Variants in ARHGAP20 observed in about 807,000 individuals in gnomAD.
ARHGAP20 encodes rho GTPase-activating protein 20.
ARHGAP20 carries 34 observed loss-of-function variants against 73.7 expected under a neutral mutation model. That is an observed-to-expected ratio of 0.46 (90% CI 0.35 to 0.61). The LOEUF (loss-of-function observed/expected upper bound fraction) is 0.61. Ranked by LOEUF, ARHGAP20 falls within the 20% of genes least tolerant of loss-of-function variation. The pLI is 0.00. For missense variants in ARHGAP20, 1,314 were observed against 1,420.9 expected, an observed-to-expected ratio of 0.92 and a Z score of 1.21; for synonymous variants, 523 against 518.2, an observed-to-expected ratio of 1.01 and a Z score of -0.13.
chr11:110,629,043 C>T (rs1182979537), intron 3 of ARHGAP20, among the ~76,000 whole-genome samples: 1 of 151,844 alleles, frequency 6.6e-6, no homozygotes, highest in Non-Finnish European at 1.5e-5. Context: ...GAAAAATATC[C>T]AAAAAAGGTG....
chr11:110,671,518 T>TAAAA, intron 2 of ARHGAP20, among the ~76,000 whole-genome samples: 1 of 152,094 alleles, frequency 6.6e-6, no homozygotes, highest in East Asian at 1.9e-4. Context: ...GCGAAGGAAA[T>TAAAA]AAAAATCAAA....
At chr11:110,604,614 G>C (rs922147287) in intron 9 of ARHGAP20, among the ~76,000 whole-genome samples, 4 of 152,052 alleles carry the variant, frequency 2.6e-5, no homozygotes, top group African/African-American at 9.7e-5. Flanking sequence ...TGCCTTCATG[G>C]AGCTCACATT....
intron 1 of ARHGAP20, among the ~76,000 whole-genome samples, chr11:110,708,432 T>C (rs1374342955): frequency 1.4e-5 from 2 of 147,606 alleles, no homozygotes; most frequent in Admixed American, 1.3e-4. Flanking sequence ...CAAAGACTTA[T>C]ACATGAATGT....
At chr11:110,711,713 G>A in intron 1 of ARHGAP20, 1 of 1,417,208 alleles carries the variant, frequency 7.1e-7, no homozygotes, top group Non-Finnish European at 9.2e-7. Flanking sequence ...TGACTTTGGG[G>A]CTGACACCGC....
intron 13 of ARHGAP20, 145 bp downstream of exon 13, chr11:110,583,403 T>C (rs1947527329): frequency 1.4e-6 from 1 of 695,728 alleles, no homozygotes; most frequent in Admixed American, 3.3e-5. Context: ...ACAATTCACT[T>C]TCCTATAGTC....
intron 1 of ARHGAP20, among the ~76,000 whole-genome samples, chr11:110,706,382 T>C (rs1211104878): frequency 6.6e-6 from 1 of 152,174 alleles, no homozygotes; most frequent in African/African-American, 2.4e-5. Flanking sequence ...GTTTTGAATA[T>C]AGTTCAGCAT....
intron 2 of ARHGAP20, among the ~76,000 whole-genome samples, chr11:110,689,544 A>G (rs1678579303): frequency 6.6e-6 from 1 of 152,212 alleles, no homozygotes; most frequent in South Asian, 2.1e-4. Flanking sequence ...TAAAATAATA[A>G]TGACTATTCA....
intron 1 of ARHGAP20, chr11:110,711,709 T>C (rs2135167985): frequency 7.0e-7 from 1 of 1,424,864 alleles, no homozygotes; most frequent in Non-Finnish European, 9.2e-7. Flanking sequence ...GCCCTGACTT[T>C]GGGGCTGACA....
chr11:110,585,726 C>G (rs112010579), intron 12 of ARHGAP20, among the ~76,000 whole-genome samples: 28 of 152,270 alleles, frequency 1.8e-4, no homozygotes, highest in African/African-American at 6.3e-4. Context: ...TTCCTTTCCA[C>G]TTTTCAAGGA....
intron 12 of ARHGAP20, among the ~76,000 whole-genome samples, chr11:110,585,669 A>G (rs1261134612): frequency 6.6e-6 from 1 of 152,184 alleles, no homozygotes; most frequent in Non-Finnish European, 1.5e-5. Context: ...TTGCATGAGT[A>G]GAGACAGTAC....
At chr11:110,656,512 T>C (rs758204428) in intron 2 of ARHGAP20, among the ~76,000 whole-genome samples, 1 of 152,146 alleles carries the variant, frequency 6.6e-6, no homozygotes, top group Non-Finnish European at 1.5e-5. Context: ...CAGTGGGTAT[T>C]TGCCTGAGTC....
intron 2 of ARHGAP20, among the ~76,000 whole-genome samples, chr11:110,649,600 G>C (rs1183185114): frequency 6.6e-6 from 1 of 151,974 alleles, no homozygotes; most frequent in Non-Finnish European, 1.5e-5. Context: ...GGGCAGGAAG[G>C]AAGACATCAG....
At chr11:110,688,880 T>C (rs750064222) in intron 2 of ARHGAP20, among the ~76,000 whole-genome samples, 3 of 152,158 alleles carry the variant, frequency 2.0e-5, no homozygotes, top group African/African-American at 4.8e-5. Context: ...AACTACTGAG[T>C]CTGAGAACTT....
intron 1 of ARHGAP20, chr11:110,691,189 T>G (rs76797189): frequency 0.011 from 5,406 of 489,276 alleles, 192 homozygotes; most frequent in African/African-American, 0.08. Flanking sequence ...AAAAAATCTT[T>G]TTTTCTAGGT....
At chr11:110,705,381 G>A (rs1950534347) in intron 1 of ARHGAP20, among the ~76,000 whole-genome samples, 1 of 152,108 alleles carries the variant, frequency 6.6e-6, no homozygotes, top group South Asian at 2.1e-4. Flanking sequence ...GTGATAAATT[G>A]CTTCATGACA....
At chr11:110,591,916 G>A (rs769049484) in intron 10 of ARHGAP20, 61 bp downstream of exon 10, 119 of 1,543,106 alleles carry the variant, frequency 7.7e-5, no homozygotes, top group Middle Eastern at 2.0e-4. Context: ...GATTTACCTC[G>A]CAGAGCTCTC....
intron 4 of ARHGAP20, among the ~76,000 whole-genome samples, chr11:110,622,489 A>G (rs769715061): frequency 5.9e-5 from 9 of 152,170 alleles, no homozygotes; most frequent in African/African-American, 1.4e-4. Flanking sequence ...AAACTAAGAA[A>G]CCAATATTAG....
At chr11:110,598,612 T>G (rs1240818918) in intron 9 of ARHGAP20, among the ~76,000 whole-genome samples, 2 of 152,156 alleles carry the variant, frequency 1.3e-5, no homozygotes, top group Non-Finnish European at 2.9e-5. Context: ...ACTAGAGATG[T>G]GTATGAAGTG....
chr11:110,707,276 C>G (rs1244368154), intron 1 of ARHGAP20, among the ~76,000 whole-genome samples: 1 of 152,074 alleles, frequency 6.6e-6, no homozygotes, highest in African/African-American at 2.4e-5. Context: ...ACAAATCATT[C>G]CTAACTAAAA....
Sources: gnomAD v4.1 joint callset for allele counts (sites outside exome capture counted in the v4.1 genomes callset) on GRCh38, gnomAD v4.1.1 for gene constraint, MANE v1.5 for transcripts, NCBI Gene and HGNC (gene_info 2026-07-23, HGNC 2026-07-21) for gene names.